Variants in CNBD1 observed in about 807,000 individuals in gnomAD.
The protein encoded by CNBD1 is cyclic nucleotide-binding domain-containing protein 1.
Under a neutral mutation model 54.4 loss-of-function variants are expected in CNBD1, and 71 were observed. That is an observed-to-expected ratio of 1.30 (90% confidence interval 1.08 to 1.59). The LOEUF (loss-of-function observed/expected upper bound fraction) is 1.59, where lower values mean the gene tolerates loss of function less well. Among genes scored for constraint, CNBD1 ranks in the 40% most tolerant of loss-of-function variants. The pLI is 0.00. For missense variants in CNBD1, 659 were observed against 518.0 expected (o/e 1.27, Z -2.64); for synonymous variants, 182 against 170.7 (o/e 1.07, Z -0.51).
At chr8:87,425,882 T>G (rs537977858) in intron 2 of CNBD1, among the ~76,000 whole-genome samples, 1,939 of 152,238 alleles carry the variant, frequency 0.013, 23 homozygotes, top group South Asian at 0.043. Context: ...GTTTACCTAA[T>G]CAAGCCTGGG....
intron 10 of CNBD1, 30 bp downstream of exon 10, chr8:87,353,816 T>C (rs888290288): frequency 2.6e-6 from 4 of 1,522,460 alleles, no homozygotes; most frequent in East Asian, 2.3e-5. Context: ...TTAACTGTTA[T>C]ACCATTTTAT....
intron 4 of CNBD1, among the ~76,000 whole-genome samples, chr8:87,082,408 AG>A (rs1298769898): frequency 6.6e-6 from 1 of 152,192 alleles, no homozygotes; most frequent in East Asian, 1.9e-4. Flanking sequence ...GCTCACACAA[AG>A]CCTGTTGGTG....
chr8:87,183,555 AG>A (rs1260533455), intron 4 of CNBD1, among the ~76,000 whole-genome samples: 2 of 152,032 alleles, frequency 1.3e-5, no homozygotes, highest in Admixed American at 1.3e-4. Context: ...AGTCTGGTTT[AG>A]GATCATTGCT....
intron 4 of CNBD1, among the ~76,000 whole-genome samples, chr8:86,994,816 C>A (rs559376872): frequency 4.6e-5 from 7 of 152,252 alleles, no homozygotes; most frequent in Admixed American, 1.3e-4. Flanking sequence ...ATTTTGGTCA[C>A]TCTCAGTGGG....
intron 4 of CNBD1, among the ~76,000 whole-genome samples, chr8:87,048,659 T>C (rs1431131014): frequency 6.6e-6 from 1 of 152,140 alleles, no homozygotes; most frequent in Admixed American, 6.6e-5. Flanking sequence ...AGGACTTTTC[T>C]ATTTGACATG....
chr8:87,416,619 A>T (rs556305686), intron 2 of CNBD1, among the ~76,000 whole-genome samples: 1 of 152,020 alleles, frequency 6.6e-6, no homozygotes. Context: ...ATTCTCTGGA[A>T]GATTCACCTT....
chr8:87,378,978 T>A (rs1244545266), intron 10 of CNBD1, among the ~76,000 whole-genome samples: 1 of 149,528 alleles, frequency 6.7e-6, no homozygotes, highest in Admixed American at 6.7e-5. Context: ...TGTATAGGAA[T>A]GCTTGTGATT....
chr8:87,170,428 C>T (rs867507058), intron 4 of CNBD1, among the ~76,000 whole-genome samples: 69 of 152,082 alleles, frequency 4.5e-4, no homozygotes, highest in African/African-American at 1.4e-3. Context: ...CTTATCTGAT[C>T]GCTCTAGCTA....
chr8:86,926,916 T>C (rs984322967), intron 3 of CNBD1, among the ~76,000 whole-genome samples: 1 of 152,168 alleles, frequency 6.6e-6, no homozygotes, highest in African/African-American at 2.4e-5. Context: ...ATTAGTTTTA[T>C]GGCCCTCTAC....
intron 5 of CNBD1, among the ~76,000 whole-genome samples, chr8:87,223,973 T>G (rs1814412090): frequency 6.6e-6 from 1 of 152,214 alleles, no homozygotes; most frequent in Non-Finnish European, 1.5e-5. Flanking sequence ...GGTTTTGATT[T>G]GCATTTCTCT....
At chr8:87,391,111 G>C (rs1271500208) in intron 2 of CNBD1, among the ~76,000 whole-genome samples, 1 of 151,978 alleles carries the variant, frequency 6.6e-6, no homozygotes, top group Non-Finnish European at 1.5e-5. Flanking sequence ...GAAGGGGGGA[G>C]GGATAGCATT....
At chr8:87,277,677 C>A (rs1160272605) in intron 6 of CNBD1, among the ~76,000 whole-genome samples, 1 of 151,654 alleles carries the variant, frequency 6.6e-6, no homozygotes, top group East Asian at 1.9e-4. Context: ...GTCCTAAAGA[C>A]TGAAAACCAG....
chr8:86,923,443 C>A (rs986961402), intron 3 of CNBD1, among the ~76,000 whole-genome samples: 3 of 152,158 alleles, frequency 2.0e-5, no homozygotes, highest in Admixed American at 1.3e-4. Context: ...TGGGGAGATA[C>A]GGTTTTTCCT....
chr8:86,892,261 G>T (rs1021821466), intron 2 of CNBD1, among the ~76,000 whole-genome samples: 2 of 151,734 alleles, frequency 1.3e-5, no homozygotes, highest in Non-Finnish European at 2.9e-5. Context: ...TATTAACAAA[G>T]GTCAAATACT....
chr8:87,102,634 G>A (rs757578702), intron 4 of CNBD1, among the ~76,000 whole-genome samples: 7 of 151,900 alleles, frequency 4.6e-5, no homozygotes, highest in Middle Eastern at 3.4e-3. Flanking sequence ...TTGTTTTTGA[G>A]ACAGAGTCTC....
intron 4 of CNBD1, among the ~76,000 whole-genome samples, chr8:87,137,963 G>GA (rs200492030): frequency 3.3e-5 from 5 of 151,792 alleles, no homozygotes; most frequent in Non-Finnish European, 7.4e-5. Flanking sequence ...CCCTTGGGGG[G>GA]AAAAAAGGAG....
chr8:86,908,531 GA>G (rs1160096910), intron 3 of CNBD1, among the ~76,000 whole-genome samples: 1 of 152,016 alleles, frequency 6.6e-6, no homozygotes, highest in East Asian at 1.9e-4. Flanking sequence ...GTTATGCATT[GA>G]AAAAACTTTT....
chr8:87,178,049 G>T (rs1813233821), intron 4 of CNBD1, among the ~76,000 whole-genome samples: 1 of 152,166 alleles, frequency 6.6e-6, no homozygotes. Flanking sequence ...GAACTTACTA[G>T]CAAGTGGAAC....
At chr8:87,375,124 C>T (rs1367046700) in intron 10 of CNBD1, among the ~76,000 whole-genome samples, 2 of 151,778 alleles carry the variant, frequency 1.3e-5, no homozygotes, top group African/African-American at 4.8e-5. Context: ...AAGATATACA[C>T]TATTGCATCT....
Sources: allele counts gnomAD v4.1 joint callset (sites outside exome capture counted in the v4.1 genomes callset), GRCh38; gene constraint gnomAD v4.1.1; transcripts MANE v1.5; gene names NCBI Gene and HGNC (gene_info 2026-07-23, HGNC 2026-07-21).